ARHGEF10L: variants seen among roughly 807,000 people sequenced by gnomAD.
ARHGEF10L encodes rho guanine nucleotide exchange factor 10-like protein.
Under a neutral mutation model 141.2 loss-of-function variants are expected in ARHGEF10L, and 69 were observed. The ratio of observed to expected loss-of-function variants is 0.49; its 90% CI spans 0.40 to 0.60. The LOEUF is 0.60. Ranked by LOEUF, ARHGEF10L falls within the 20% of genes least tolerant of loss-of-function variation. The probability of loss-of-function intolerance (pLI) is 0.00; values close to 1 mark genes in which losing one functional copy is unlikely to be tolerated. For missense variants in ARHGEF10L, 1,482 were observed against 1,734.3 expected, an observed-to-expected ratio of 0.85 and a Z score of 2.58; for synonymous variants, 711 against 718.5, an observed-to-expected ratio of 0.99 and a Z score of 0.17.
intron 26 of ARHGEF10L, among the ~76,000 whole-genome samples, chr1:17,672,742 G>A (rs2063402876): frequency 6.6e-6 from 1 of 152,156 alleles, no homozygotes; most frequent in African/African-American, 2.4e-5. Flanking sequence ...GCATCAGGAA[G>A]GCTTGAAGTT....
intron 1 of ARHGEF10L, among the ~76,000 whole-genome samples, chr1:17,559,295 C>T (rs77136756): frequency 4.6e-5 from 7 of 152,222 alleles, no homozygotes; most frequent in East Asian, 1.9e-4. Context: ...TGGTAAGTAT[C>T]GACACAAGGC....
Position 17,563,733 on chromosome 1 carries a change from C to T in ARHGEF10L, c.-43-16820C>T, listed in dbSNP as rs564529235. ...TGAGGCTTAGGGAGGTTAAGTTGCACATTTGCTAGGTTGTGGAGCTGGGAT... is the reference window on the plus strand; with the variant it reads ...TGAGGCTTAGGGAGGTTAAGTTGCATATTTGCTAGGTTGTGGAGCTGGGAT... On this transcript the variant is annotated intron_variant, in intron 1 of 28. Transcript: ENST00000361221. Among the ~76,000 whole-genome samples the T allele has an allele frequency of 2.6e-5, 4 of 152,238 alleles. No homozygotes were observed. The South Asian group carries it at 6.2e-4, about 24-fold the overall frequency.
At chr1:17,655,850 T>G (rs1343456071) in intron 23 of ARHGEF10L, 29 bp from the exon 24 acceptor site, 1 of 1,544,802 alleles carries the variant, frequency 6.5e-7, no homozygotes, top group African/African-American at 1.4e-5. Flanking sequence ...GGTTCCCACC[T>G]GATGGCCTCT....
At chr1:17,683,958 C>G (rs547472958) in intron 26 of ARHGEF10L, among the ~76,000 whole-genome samples, 1 of 152,178 alleles carries the variant, frequency 6.6e-6, no homozygotes, top group Non-Finnish European at 1.5e-5. Context: ...GGGAGTCGAG[C>G]GGCAGGCTGG....
rs949431216 is a variant in ARHGEF10L, at chr1:17,654,206, C to T, written c.2395-430C>T. Among the ~76,000 whole-genome samples the T allele has an allele frequency of 8.5e-5, 13 of 152,282 alleles. No individual in the cohort carries two copies. Among genetic ancestry groups the T allele is most frequent in the Admixed American group, 2.0e-4 (3 of 15,292 alleles). ...GGCGGAAGGTGGTTACTGGTGACAG[C>T]GGTGACAGGCTGAGCCCTGGTTTCT... is the stretch of plus-strand genomic sequence containing the variant. On this transcript the variant is annotated intron_variant, in intron 22 of 28. Transcript: ENST00000361221. This position sits in a 1 kb window ranked among gnomAD's most constrained non-coding sequence, Gnocchi z 4.3.
the ARHGEF10L span, among the ~76,000 whole-genome samples, chr1:17,524,202 G>C: frequency 3.9e-5 from 6 of 152,058 alleles, no homozygotes; most frequent in Admixed American, 3.3e-4. Flanking sequence ...GAACCTGGGA[G>C]GTGGAGGTTG....
intron 27 of ARHGEF10L, chr1:17,694,869 C>A: frequency 1.7e-6 from 1 of 593,286 alleles, no homozygotes. Context: ...AGAGCGCACA[C>A]AGACCAGGCG....
At chr1:17,520,893 C>T in the ARHGEF10L span, among the ~76,000 whole-genome samples, 1 of 152,160 alleles carries the variant, frequency 6.6e-6, no homozygotes, top group African/African-American at 2.4e-5. Flanking sequence ...TGGATTGATG[C>T]ATTGGTGCTG....
At chr1:17,634,650 T>C in intron 17 of ARHGEF10L, 88 bp downstream of exon 17, 1 of 1,552,994 alleles carries the variant, frequency 6.4e-7, no homozygotes, top group Non-Finnish European at 8.7e-7. Context: ...GGCTGGGGCC[T>C]GGGCGCCTGG....
At chr1:17,574,565 C>T (rs2078142383) in intron 1 of ARHGEF10L, among the ~76,000 whole-genome samples, 1 of 152,216 alleles carries the variant, frequency 6.6e-6, no homozygotes, top group Admixed American at 6.5e-5. Flanking sequence ...CAGAGGGCTG[C>T]CTGCTTCGGA....
At chr1:17,617,113 C>T (rs74540902) in intron 9 of ARHGEF10L, among the ~76,000 whole-genome samples, 3,501 of 152,236 alleles carry the variant, frequency 0.023, 141 homozygotes, top group African/African-American at 0.08. Flanking sequence ...GAAGTGAGGG[C>T]GGGCATGATA....
upstream of ARHGEF10L, among the ~76,000 whole-genome samples, chr1:17,536,522 G>C (rs968482085): frequency 2.0e-5 from 3 of 152,144 alleles, no homozygotes; most frequent in African/African-American, 7.2e-5. Context: ...TGAGAGTGAA[G>C]AGGCGGGTGC....
chr1:17,612,742 T>C (rs1325651755), intron 7 of ARHGEF10L, among the ~76,000 whole-genome samples: 1 of 152,202 alleles, frequency 6.6e-6, no homozygotes, highest in African/African-American at 2.4e-5. Flanking sequence ...CAGAGCATTT[T>C]CCCTTTTCCC....
In ARHGEF10L at chr1:17,638,596, T is replaced by C. The variant is rs1167043583; in HGVS notation, c.2078T>C (p.Leu693Pro). The C allele has an allele frequency of 1.2e-6, 2 of 1,614,056 alleles. No individual in the cohort carries two copies. Among genetic ancestry groups the C allele is most frequent in the Non-Finnish European group, 1.7e-6 (2 of 1,180,022 alleles). The change falls in exon 20 of 29, where the codon CTG becomes CCG. Residue 693 changes from leucine to proline, a missense_variant. By Grantham distance (98) the Leu-to-Pro change is moderately conservative. Coordinates refer to ENST00000361221, the MANE Select transcript of ARHGEF10L (RefSeq NM_018125.4). ...ATGACTGTGGCTCAAGACTGGTGCCTGGCCCTGCAGAGGCTGATGCGGGTG... is the reference window on the plus strand; with the variant it reads ...ATGACTGTGGCTCAAGACTGGTGCCCGGCCCTGCAGAGGCTGATGCGGGTG... ...LNMTVAQDWC[L>P]ALQRLMRVKE...
intron 26 of ARHGEF10L, among the ~76,000 whole-genome samples, chr1:17,678,778 C>A (rs1009988312): frequency 6.6e-6 from 1 of 152,146 alleles, no homozygotes; most frequent in Non-Finnish European, 1.5e-5. Context: ...GTCAGGACAG[C>A]GTTCTCTGCA....
Position 17,693,016 on chromosome 1 carries a change from C to T in ARHGEF10L, c.3185-2142C>T, listed in dbSNP as rs1037936829. ...GGAAGTAGAGGGAGGCCTGAAGACC[C>T]GGGAATCCTCCACTGGCTCTGCCCT... On this transcript the variant is annotated intron_variant, in intron 27 of 28. Transcript: ENST00000361221. 4.9e-4 allele frequency among the ~76,000 whole-genome samples: 74 copies of T among 152,208 alleles called. 2 individuals are homozygous for T. The highest frequency in any genetic ancestry group is 6.3e-4 in the Non-Finnish European group (43 of 68,040).
intron 1 of ARHGEF10L, among the ~76,000 whole-genome samples, chr1:17,555,909 G>A (rs958313703): frequency 1.3e-5 from 2 of 152,050 alleles, no homozygotes; most frequent in African/African-American, 4.8e-5. Flanking sequence ...CAGGAAGACT[G>A]GCTGAGATGT....
chr1:17,525,444 G>T, the ARHGEF10L span, among the ~76,000 whole-genome samples: 2 of 152,186 alleles, frequency 1.3e-5, no homozygotes, highest in Admixed American at 1.3e-4. Flanking sequence ...TTGAGCAAAT[G>T]CTTGACCTCT....
intron 1 of ARHGEF10L, among the ~76,000 whole-genome samples, chr1:17,562,009 C>T (rs1219602277): frequency 1.3e-5 from 2 of 152,234 alleles, no homozygotes; most frequent in Non-Finnish European, 2.9e-5. Context: ...CTTTGCCTCT[C>T]TCAGCCTCAG....
Sources: allele counts gnomAD v4.1 joint callset (sites outside exome capture counted in the v4.1 genomes callset), GRCh38; gene constraint gnomAD v4.1.1; non-coding constraint Gnocchi (gnomAD v3.1); transcripts MANE v1.5; gene names NCBI Gene and HGNC (gene_info 2026-07-23, HGNC 2026-07-21).